Variants in TLN2 observed in about 807,000 individuals in gnomAD.
TLN2 encodes the protein talin-2.
In TLN2, 118 loss-of-function variants were observed where a neutral mutation model predicts 294.7. The observed-to-expected ratio is 0.40, with a 90% CI of 0.34 to 0.47. The LOEUF is 0.47. TLN2 is among the 20% of genes least tolerant of loss of function. The pLI, the probability that TLN2 is intolerant of heterozygous loss-of-function variation, is 0.84. For synonymous variants in TLN2, 1,431 were observed against 1,304.5 expected, an observed-to-expected ratio of 1.10 and a Z score of -2.09; for missense variants, 3,083 against 3,282.2, an observed-to-expected ratio of 0.94 and a Z score of 1.48.
At chr15:62,651,911 A>AT (rs1360058455) in intron 5 of TLN2, 94 bp from the exon 6 acceptor site, 31 of 1,389,592 alleles carry the variant, frequency 2.2e-5, no homozygotes, top group African/African-American at 1.0e-4. Flanking sequence ...GTCTACTCTG[A>AT]TTTTTTTAAA....
intron 45 of TLN2, 138 bp from the exon 46 acceptor site, chr15:62,792,503 A>T (rs1381998270): frequency 3.3e-6 from 4 of 1,197,964 alleles, no homozygotes; most frequent in Non-Finnish European, 4.6e-6. Flanking sequence ...ATACTTCACC[A>T]AACACAGACT....
chr15:62,605,452 A>G (rs566861428), intron 2 of TLN2, among the ~76,000 whole-genome samples: 8 of 152,334 alleles, frequency 5.3e-5, no homozygotes, highest in African/African-American at 1.7e-4. Context: ...AGTCGATTTA[A>G]TCCATGGGCA....
chr15:62,805,510 A>G, intron 50 of TLN2, 90 bp from the exon 51 acceptor site: 1 of 1,362,914 alleles, frequency 7.3e-7, no homozygotes, highest in African/African-American at 1.5e-5. Context: ...CTCAGTTTTC[A>G]GACACAAGCT....
intron 12 of TLN2, among the ~76,000 whole-genome samples, chr15:62,692,003 T>C (rs116348965): frequency 0.028 from 4,316 of 152,278 alleles, 87 homozygotes; most frequent in South Asian, 0.051. Flanking sequence ...TACTGAAATA[T>C]TCTGTTATAG....
intron 3 of TLN2, among the ~76,000 whole-genome samples, chr15:62,646,035 G>A (rs116173478): frequency 0.012 from 1,799 of 152,252 alleles, 40 homozygotes; most frequent in African/African-American, 0.041. Context: ...GAAATACACC[G>A]TGAGCCACCA....
At chr15:62,742,268 G>A (rs1222624915) in intron 32 of TLN2, among the ~76,000 whole-genome samples, 3 of 152,112 alleles carry the variant, frequency 2.0e-5, no homozygotes, top group Non-Finnish European at 2.9e-5. Flanking sequence ...AGAGATGGGA[G>A]GTGGGGTTGG....
chr15:62,776,979 T>C, intron 43 of TLN2, 69 bp downstream of exon 43: 1 of 1,331,472 alleles, frequency 7.5e-7, no homozygotes, highest in Non-Finnish European at 9.7e-7. Flanking sequence ...TGCTTTTCTC[T>C]AAGCTGTCAA....
intron 2 of TLN2, among the ~76,000 whole-genome samples, chr15:62,612,814 A>G (rs1015575057): frequency 6.6e-6 from 1 of 152,208 alleles, no homozygotes; most frequent in African/African-American, 2.4e-5. Flanking sequence ...TTACGTAGAA[A>G]TGTATGAAAT....
At chr15:62,630,780 C>G (rs1377634551) in intron 3 of TLN2, among the ~76,000 whole-genome samples, 1 of 151,716 alleles carries the variant, frequency 6.6e-6, no homozygotes, top group Non-Finnish European at 1.5e-5. Context: ...CTCTGTTTAA[C>G]ATTTCAGGGG....
At chr15:62,460,300 T>C (rs1232133358) in intron 1 of TLN2, among the ~76,000 whole-genome samples, 4 of 151,504 alleles carry the variant, frequency 2.6e-5, no homozygotes, top group Admixed American at 6.6e-5. Flanking sequence ...AGTTTTGCTC[T>C]TGTTGCCCAG....
At chr15:62,500,746 T>G (rs2039262079) in intron 1 of TLN2, among the ~76,000 whole-genome samples, 2 of 152,248 alleles carry the variant, frequency 1.3e-5, no homozygotes, top group South Asian at 4.1e-4. Flanking sequence ...AAATTCCTTC[T>G]TGAGGGAGCG....
intron 35 of TLN2, 32 bp downstream of exon 35, chr15:62,752,459 C>T: frequency 6.2e-7 from 1 of 1,611,070 alleles, no homozygotes; most frequent in Non-Finnish European, 8.5e-7. Context: ...AGCCATGTGC[C>T]CTGTGCCAGA....
chr15:62,534,251 T>C (rs1370355730), intron 1 of TLN2, among the ~76,000 whole-genome samples: 1 of 152,130 alleles, frequency 6.6e-6, no homozygotes, highest in Non-Finnish European at 1.5e-5. Flanking sequence ...TACCTAAAGA[T>C]AGTGTCAGGT....
intron 41 of TLN2, 103 bp from the exon 42 acceptor site, chr15:62,770,861 T>C: frequency 7.3e-7 from 1 of 1,374,178 alleles, no homozygotes; most frequent in Non-Finnish European, 9.7e-7. Context: ...TCCCTGTGAG[T>C]CAGCCCAGTC....
At chr15:62,472,718 A>G (rs2037550915) in intron 1 of TLN2, among the ~76,000 whole-genome samples, 1 of 152,112 alleles carries the variant, frequency 6.6e-6, no homozygotes, top group Admixed American at 6.5e-5. Flanking sequence ...AGTAGTGGTG[A>G]GTGTGGGAAG....
At chr15:62,463,406 T>A (rs58213682) in intron 1 of TLN2, among the ~76,000 whole-genome samples, 1,588 of 152,258 alleles carry the variant, frequency 0.01, 35 homozygotes, top group African/African-American at 0.035. Flanking sequence ...AGCTTGTAAA[T>A]CTGAAATGAT....
chr15:62,727,708 G>A (rs1212723035), intron 28 of TLN2, among the ~76,000 whole-genome samples: 1 of 152,168 alleles, frequency 6.6e-6, no homozygotes, highest in Non-Finnish European at 1.5e-5. Flanking sequence ...TCTCTATAAG[G>A]AACAGATTGC....
intron 22 of TLN2, among the ~76,000 whole-genome samples, chr15:62,712,976 A>T (rs936340442): frequency 2.7e-5 from 4 of 150,934 alleles, no homozygotes; most frequent in Non-Finnish European, 5.9e-5. Flanking sequence ...TGCATATAAG[A>T]TTCATTAAGG....
At position 62,792,667 on chromosome 15, in the gene TLN2, G is replaced by A; in HGVS notation, c.5763G>A (p.Val1921=). 1 of 1,613,750 alleles carries A rather than the reference G, an allele frequency of 6.2e-7. No individual in the cohort carries two copies. Among genetic ancestry groups the A allele is most frequent in the Non-Finnish European group, 8.5e-7 (1 of 1,180,010 alleles). ...TCGGATTCCAGATTCGCACTCGTGT[G>A]CAGGACCTGGGCCACGGCTGTATCT... ...EEIGFQIRTR[V]QDLGHGCIFL... The change falls in exon 46 of 59, where the codon GTG becomes GTA. Residue 1921 remains valine (V), a synonymous_variant. Coordinates refer to ENST00000636159, the MANE Select transcript of TLN2 (RefSeq NM_015059.3).
Sources: allele counts gnomAD v4.1 joint callset (sites outside exome capture counted in the v4.1 genomes callset), GRCh38; gene constraint gnomAD v4.1.1; transcripts MANE v1.5; gene names NCBI Gene and HGNC (gene_info 2026-07-23, HGNC 2026-07-21).